KLHL10: variants seen among roughly 807,000 people sequenced by gnomAD.
The protein encoded by KLHL10 is kelch-like protein 10.
In KLHL10, 11 loss-of-function variants were observed where a neutral mutation model predicts 46.6. The observed-to-expected ratio is 0.24, with a 90% confidence interval of 0.15 to 0.39. The LOEUF (loss-of-function observed/expected upper bound fraction) is 0.39, where lower values mean the gene tolerates loss of function less well. Among genes scored for constraint, KLHL10 ranks in the 10% least tolerant of loss-of-function variants. The probability of loss-of-function intolerance (pLI) is 1.00; values close to 1 mark genes in which losing one functional copy is unlikely to be tolerated. For missense variants in KLHL10, 475 were observed against 789.8 expected (o/e 0.60, Z 4.78); for synonymous variants, 254 against 279.1 (o/e 0.91, Z 0.90).
At chr17:41,838,893 C>T (rs782591479) in intron 1 of KLHL10, among the ~76,000 whole-genome samples, 1 of 151,490 alleles carries the variant, frequency 6.6e-6, no homozygotes, top group Non-Finnish European at 1.5e-5. Context: ...TTTGCCATGT[C>T]GCTCAGGCTG....
chr17:41,841,879 G>A lies in KLHL10; in HGVS notation c.251G>A (p.Gly84Asp), dbSNP rs768950250. 9 of 1,614,072 alleles carry A rather than the reference G, an allele frequency of 5.6e-6. No individual in the cohort carries two copies. The highest frequency in any genetic ancestry group is 7.6e-6 in the Non-Finnish European group (9 of 1,180,006). ...GAAAAGAAGGTATACAACATCCCTG[G>A]CATTTCTCCCGACATGATGAAGCTA... ...NTEKKVYNIP[G>D]ISPDMMKLII... is the part of the protein sequence containing the mutation. The change falls in exon 2 of 5, where the codon GGC becomes GAC. Residue 84 changes from glycine (G) to aspartate (D), a missense_variant. Gly to Asp is a moderately conservative substitution (Grantham distance 94, BLOSUM62 -1). Transcript: ENST00000293303.
chr17:41,846,477 C>T (rs1434646994), intron 3 of KLHL10, among the ~76,000 whole-genome samples: 1 of 151,178 alleles, frequency 6.6e-6, no homozygotes, highest in Non-Finnish European at 1.5e-5. Flanking sequence ...GCAGAGGTTG[C>T]AGTGCTCCAA....
rs539854192 is a variant in KLHL10 at position 41,845,470 on chromosome 17, C to A, written c.1029C>A (p.Ile343=). The A allele has an allele frequency of 1.4e-5, 22 of 1,614,200 alleles. No homozygotes were observed. The highest frequency in any genetic ancestry group is 1.6e-4 in the Middle Eastern group (1 of 6,062). Reference sequence around the variant, plus strand: ...CCTATTTGAAAGGCTATGTGTATATCATTGGGGGGTTTGATAGTGTAGACT... The same window carrying A: ...CCTATTTGAAAGGCTATGTGTATATAATTGGGGGGTTTGATAGTGTAGACT... ...GAAYLKGYVY[I]IGGFDSVDYF... The change falls in exon 3 of 5, where the codon ATC becomes ATA. Residue 343 remains isoleucine, a synonymous_variant. Coordinates refer to ENST00000293303, the MANE Select transcript of KLHL10 (RefSeq NM_152467.5).
At chr17:41,844,266 T>C (rs2048258283) in intron 2 of KLHL10, among the ~76,000 whole-genome samples, 1 of 151,612 alleles carries the variant, frequency 6.6e-6, no homozygotes, top group African/African-American at 2.4e-5. Context: ...AGTCTAGCTC[T>C]GTTGCCCAGG....
chr17:41,842,159 A>C lies in KLHL10; in HGVS notation c.531A>C (p.Glu177Asp). The C allele has an allele frequency of 6.2e-7, 1 of 1,614,176 alleles. No individual in the cohort carries two copies. The highest frequency in any genetic ancestry group is 8.5e-7 in the Non-Finnish European group (1 of 1,180,042). Residue 177 changes from glutamate (E) to aspartate (D), a missense_variant, in exon 2 of 5, where the codon GAA becomes GAC. Coordinates refer to ENST00000293303, the MANE Select transcript of KLHL10 (RefSeq NM_152467.5). ...NFEEMVKVSA[E>D]FLELSVTELK... ...AGGAGATGGTGAAAGTCTCGGCAGA[A>C]TTTTTAGAGCTCTCGGTCACTGAAC...
At chr17:41,838,214 C>A in intron 1 of KLHL10, 88 bp downstream of exon 1, 1 of 1,198,812 alleles carries the variant, frequency 8.3e-7, no homozygotes, top group Non-Finnish European at 1.2e-6. Context: ...CACCCCATCA[C>A]CTTAACTTTA....
At chr17:41,839,632 A>G (rs1005338701) in intron 1 of KLHL10, among the ~76,000 whole-genome samples, 10 of 152,260 alleles carry the variant, frequency 6.6e-5, no homozygotes, top group African/African-American at 1.7e-4. Flanking sequence ...ATCAATTCCA[A>G]TGAAGATATG....
chr17:41,846,743 A>G (rs2048290776), intron 3 of KLHL10, among the ~76,000 whole-genome samples: 1 of 151,884 alleles, frequency 6.6e-6, no homozygotes, highest in African/African-American at 2.4e-5. Context: ...GCTACTCAGG[A>G]GGTGGAGGTT....
chr17:41,842,219 CA>C lies in KLHL10; in HGVS notation c.594del (p.Lys198AsnfsTer11). On this transcript the variant is annotated frameshift_variant, in exon 2 of 5. Transcript: ENST00000293303. LOFTEE classifies it high-confidence loss of function. ...DIIEKDELNV[K>X]QEDAVFEAIL... is the part of the protein sequence containing the mutation. ...TCATTGAGAAAGATGAGCTCAATGTCAAACAGGAAGATGCTGTATTTGAGGC... is the reference window on the plus strand; with the variant it reads ...TCATTGAGAAAGATGAGCTCAATGTCAACAGGAAGATGCTGTATTTGAGGC... The C allele has an allele frequency of 6.2e-7, 1 of 1,614,148 alleles. No individual in the cohort carries two copies. The highest frequency in any genetic ancestry group is 8.5e-7 in the Non-Finnish European group (1 of 1,180,030).
chr17:41,840,097 C>T (rs1346109676), intron 1 of KLHL10, among the ~76,000 whole-genome samples: 2 of 152,164 alleles, frequency 1.3e-5, no homozygotes, highest in African/African-American at 4.8e-5. Flanking sequence ...TCCCAGAGTG[C>T]TGGGATTACA....
At chr17:41,846,430 A>C (rs371047171) in intron 3 of KLHL10, among the ~76,000 whole-genome samples, 1 of 151,784 alleles carries the variant, frequency 6.6e-6, no homozygotes, top group African/African-American at 2.4e-5. Context: ...GCTGAGGCGG[A>C]GAATCACTTG....
chr17:41,840,246 G>A (rs1373935043), intron 1 of KLHL10, among the ~76,000 whole-genome samples: 1 of 152,154 alleles, frequency 6.6e-6, no homozygotes, highest in Admixed American at 6.5e-5. Context: ...TAAATGAATG[G>A]GTGTGGCTGT....
rs141789008 is a variant in KLHL10 at position 41,841,613 on chromosome 17, C to G, written c.195-210C>G. On this transcript the variant is annotated intron_variant, in intron 1 of 4. Coordinates refer to ENST00000293303, the MANE Select transcript of KLHL10 (RefSeq NM_152467.5). The stretch of plus-strand genomic sequence containing the variant: ...TAGGCGTGAGCCACCACGCCTGGCC[C>G]AAGAGACCTGGGTCTTACTCTCAGT... Among the ~76,000 whole-genome samples the G allele has an allele frequency of 9.1e-4, 139 of 152,174 alleles. 2 individuals carry two copies. The highest frequency in any genetic ancestry group is 3.2e-3 in the African/African-American group (132 of 41,562).
chr17:41,841,217 T>C (rs1555620689), intron 1 of KLHL10, among the ~76,000 whole-genome samples: 1 of 152,020 alleles, frequency 6.6e-6, no homozygotes, highest in Non-Finnish European at 1.5e-5. Flanking sequence ...GTTTACCCCC[T>C]GGATGGGGAA....
intron 1 of KLHL10, among the ~76,000 whole-genome samples, chr17:41,838,631 C>T (rs1242052139): frequency 1.5e-4 from 7 of 45,866 alleles, no homozygotes; most frequent in African/African-American, 4.8e-4. Context: ...CCTTTTTTCT[C>T]TCTTTTTTTT....
intron 1 of KLHL10, among the ~76,000 whole-genome samples, chr17:41,841,339 G>T (rs1397081403): frequency 6.6e-6 from 1 of 152,018 alleles, no homozygotes; most frequent in African/African-American, 2.4e-5. Flanking sequence ...TTTTCAGACA[G>T]AGTCTCGCTG....
upstream of KLHL10, chr17:41,837,674 G>T: frequency 8.6e-7 from 1 of 1,159,602 alleles, no homozygotes; most frequent in African/African-American, 1.6e-5. Flanking sequence ...ACAGAAGGAG[G>T]TGTGAGGTGG....
In KLHL10 at chr17:41,840,557, T is replaced by C. The variant is rs1320526454; in HGVS notation, c.195-1266T>C. ...CTACTCGGGAGGCTGAGGCAGAGAA[T>C]TGCTTGAACCTGGGAGGCAGAGGTT... On this transcript the variant is annotated intron_variant, in intron 1 of 4. Coordinates refer to ENST00000293303, the MANE Select transcript of KLHL10 (RefSeq NM_152467.5). Among the ~76,000 whole-genome samples, 4 of 149,360 alleles carry C rather than the reference T, an allele frequency of 2.7e-5. No individual in the cohort carries two copies. In the East Asian group the frequency reaches 6.1e-4, roughly 23 times the overall value.
upstream of KLHL10, chr17:41,836,407 A>G (rs11651225): frequency 0.9 from 1,106,090 of 1,222,288 alleles, 500,809 homozygotes; most frequent in East Asian, 1. Context: ...TCTATTTATT[A>G]TGAAGAGCAG....
Sources: gnomAD v4.1 joint callset for allele counts (sites outside exome capture counted in the v4.1 genomes callset) on GRCh38, gnomAD v4.1.1 for gene constraint, MANE v1.5 for transcripts, NCBI Gene and HGNC (gene_info 2026-07-23, HGNC 2026-07-21) for gene names.